Variants in TET1 observed in about 807,000 individuals in gnomAD.
TET1 encodes the protein tet methylcytosine dioxygenase 1.
Under a neutral mutation model 148.7 loss-of-function variants are expected in TET1, and 13 were observed. That is an observed-to-expected ratio of 0.09 (90% CI 0.06 to 0.14). TET1 has a LOEUF of 0.14. Ranked by LOEUF, TET1 falls within the 10% of genes least tolerant of loss-of-function variation. The pLI is 1.00. For missense variants in TET1, 2,182 were observed against 2,553.8 expected, an observed-to-expected ratio of 0.85 and a Z score of 3.14; for synonymous variants, 907 against 937.2, an observed-to-expected ratio of 0.97 and a Z score of 0.59.
intron 3 of TET1, among the ~76,000 whole-genome samples, chr10:68,634,995 A>C (rs959865668): frequency 4.6e-5 from 7 of 151,672 alleles, no homozygotes; most frequent in African/African-American, 1.7e-4. Flanking sequence ...GGGTTTCACC[A>C]TGTTGGCCAG....
At chr10:68,631,249 G>A (rs1362461097) in intron 3 of TET1, among the ~76,000 whole-genome samples, 1 of 152,116 alleles carries the variant, frequency 6.6e-6, no homozygotes, top group Non-Finnish European at 1.5e-5. Context: ...TTTGGCAGTG[G>A]GGACTACGTT....
intron 3 of TET1, among the ~76,000 whole-genome samples, chr10:68,617,764 TG>T (rs2054314866): frequency 6.6e-6 from 1 of 151,886 alleles, no homozygotes; most frequent in South Asian, 2.1e-4. Flanking sequence ...CAGACTGGTC[TG>T]GAACTCCCAG....
rs1564975185 is a variant in TET1, at chr10:68,624,679, TC to T, written c.1969-20018del. Among the ~76,000 whole-genome samples, 419 of 134,544 alleles carry T rather than the reference TC, an allele frequency of 3.1e-3. 5 individuals are homozygous for T. Among genetic ancestry groups the T allele is most frequent in the Non-Finnish European group, 4.6e-3 (292 of 63,194 alleles). 88.3% of individuals were successfully genotyped at this position (134,544 alleles called of 152,430 possible). ...TTCTTTCTCTCTCTCTCTCTCTCTC[TC>T]TCTCTCTCTCTCTCTCTTTCTTTCT... is the stretch of plus-strand genomic sequence containing the variant. On this transcript the variant is annotated intron_variant, in intron 3 of 11. Transcript: ENST00000373644.
intron 3 of TET1, among the ~76,000 whole-genome samples, chr10:68,611,894 AAAGGAAGGAAGG>A (rs367572555): frequency 3.4e-5 from 5 of 146,422 alleles, no homozygotes; most frequent in African/African-American, 1.3e-4. Context: ...GGGAGGGGAG[AAAGGAAGGAAGG>A]AAGGAAGAAA....
At chr10:68,649,814 C>T (rs540285189) in intron 4 of TET1, among the ~76,000 whole-genome samples, 86 of 152,248 alleles carry the variant, frequency 5.6e-4, no homozygotes, top group Non-Finnish European at 1.0e-3. Flanking sequence ...TAGGAATAGA[C>T]AGCCAGGCAT....
chr10:68,587,219 T>A (rs1488651277), intron 2 of TET1, among the ~76,000 whole-genome samples: 2 of 152,200 alleles, frequency 1.3e-5, no homozygotes, highest in Non-Finnish European at 1.5e-5. Context: ...CATTTTCATA[T>A]CATATTTCAT....
chr10:68,638,540 G>GA (rs1382655448), intron 3 of TET1, among the ~76,000 whole-genome samples: 1 of 151,982 alleles, frequency 6.6e-6, no homozygotes, highest in Non-Finnish European at 1.5e-5. Flanking sequence ...GGTTATTAGG[G>GA]AAAAAAATGT....
At chr10:68,687,844 G>A (rs1040127210) in intron 11 of TET1, among the ~76,000 whole-genome samples, 1 of 152,160 alleles carries the variant, frequency 6.6e-6, no homozygotes, top group Admixed American at 6.6e-5. Context: ...CCAAATTGGT[G>A]TAATTACAGG....
At chr10:68,577,075 A>AT (rs999719743) in intron 2 of TET1, among the ~76,000 whole-genome samples, 17 of 151,850 alleles carry the variant, frequency 1.1e-4, no homozygotes, top group Admixed American at 6.6e-4. Context: ...CGCCCGGCTA[A>AT]TTTTTTTTGT....
chr10:68,686,686 C>A lies in TET1; in HGVS notation c.5383C>A (p.Pro1795Thr). The change falls in exon 11 of 12, where the codon CCT becomes ACT. Residue 1795 changes from proline to threonine, a missense_variant. Pro to Thr is a conservative substitution (Grantham distance 38). Coordinates refer to ENST00000373644, the MANE Select transcript of TET1 (RefSeq NM_030625.3). ...NNSTTTNNSK[P>T]SSLPTLGSNT... The stretch of plus-strand genomic sequence containing the variant: ...CTCAACAACAACAAACAACAGTAAG[C>A]CTTCGTCACTGCCAACCTTAGGTGA... 6.2e-7 allele frequency: 1 copy of A among 1,613,344 alleles called. No homozygotes were observed. The highest frequency in any genetic ancestry group is 8.5e-7 in the Non-Finnish European group (1 of 1,179,592).
intron 4 of TET1, among the ~76,000 whole-genome samples, chr10:68,651,532 A>G (rs1734491562): frequency 6.6e-6 from 1 of 151,494 alleles, no homozygotes; most frequent in Non-Finnish European, 1.5e-5. Context: ...AACTTTTAGT[A>G]TTACACCTCA....
chr10:68,663,619 C>T (rs1254863729), intron 6 of TET1, among the ~76,000 whole-genome samples: 1 of 151,946 alleles, frequency 6.6e-6, no homozygotes, highest in African/African-American at 2.4e-5. Flanking sequence ...GACTGTAGAA[C>T]AATTATGAAG....
intron 7 of TET1, among the ~76,000 whole-genome samples, chr10:68,669,691 C>T (rs536674060): frequency 6.6e-6 from 1 of 151,100 alleles, no homozygotes; most frequent in East Asian, 2.0e-4. Context: ...GCACTGTCGC[C>T]CAGGCTGGAG....
At position 68,646,836 on chromosome 10, in the gene TET1, C is replaced by G. The variant is rs948270835; in HGVS notation, c.4107C>G (p.Thr1369=). Residue 1369 remains threonine (T), a synonymous_variant, in exon 4 of 12, where the codon ACC becomes ACG. Coordinates refer to ENST00000373644, the MANE Select transcript of TET1 (RefSeq NM_030625.3). Reference sequence around the variant, plus strand: ...CAGGTGGAATTACAGTGGTTTCTACCAAAAGTGAAGAGGAAGTCTGTTCAT... The same window carrying G: ...CAGGTGGAATTACAGTGGTTTCTACGAAAAGTGAAGAGGAAGTCTGTTCAT... ...VCSGGITVVS[T]KSEEEVCSSS... is the part of the protein sequence containing the mutation. 1.2e-6 allele frequency: 2 copies of G among 1,614,118 alleles called. No homozygotes were observed. The highest frequency in any genetic ancestry group is 3.3e-5 in the Admixed American group (2 of 60,012).
chr10:68,639,271 A>G (rs537940566), intron 3 of TET1, among the ~76,000 whole-genome samples: 5 of 151,778 alleles, frequency 3.3e-5, no homozygotes, highest in African/African-American at 1.2e-4. Flanking sequence ...AAAATACAAA[A>G]TTTAGTTGGG....
intron 6 of TET1, among the ~76,000 whole-genome samples, chr10:68,656,384 T>C (rs1014821568): frequency 3.3e-5 from 5 of 152,052 alleles, no homozygotes; most frequent in African/African-American, 1.2e-4. Context: ...TGCCTCAGCC[T>C]CCTGAGTAGC....
At chr10:68,689,953 G>A (rs1564512962) in intron 11 of TET1, among the ~76,000 whole-genome samples, 2 of 152,094 alleles carry the variant, frequency 1.3e-5, no homozygotes, top group African/African-American at 4.8e-5. Flanking sequence ...GCTTTTGAGG[G>A]TCACAAAGAT....
chr10:68,574,815 AG>A (rs1226892910), intron 2 of TET1, among the ~76,000 whole-genome samples: 3 of 152,160 alleles, frequency 2.0e-5, no homozygotes, highest in Non-Finnish European at 2.9e-5. Context: ...CCAACCTCAT[AG>A]GGTTGTTGGG....
chr10:68,620,355 T>G (rs1038579878), intron 3 of TET1, among the ~76,000 whole-genome samples: 1 of 152,170 alleles, frequency 6.6e-6, no homozygotes, highest in Non-Finnish European at 1.5e-5. Flanking sequence ...TGGCAACCAC[T>G]AGTGTACTTC....
Sources: gnomAD v4.1 joint callset for allele counts (sites outside exome capture counted in the v4.1 genomes callset) on GRCh38, gnomAD v4.1.1 for gene constraint, MANE v1.5 for transcripts, NCBI Gene and HGNC (gene_info 2026-07-23, HGNC 2026-07-21) for gene names.